VCL: variants seen among roughly 807,000 people sequenced by gnomAD.
VCL encodes the protein epididymis luminal protein 114.
A neutral mutation model predicts 125.7 loss-of-function variants in VCL; 47 were observed. The ratio of observed to expected loss-of-function variants is 0.37; its 90% CI spans 0.30 to 0.48. VCL has a LOEUF of 0.48. VCL is among the 20% of genes least tolerant of loss of function. VCL has a pLI of 0.99. For synonymous variants in VCL, 458 were observed against 514.6 expected (o/e 0.89, Z 1.49); for missense variants, 1,069 against 1,455.5 (o/e 0.73, Z 4.32).
At chr10:74,066,185 G>T (rs938858903) in intron 2 of VCL, among the ~76,000 whole-genome samples, 1 of 151,322 alleles carries the variant, frequency 6.6e-6, no homozygotes, top group Non-Finnish European at 1.5e-5. Context: ...TCAGCCTCCC[G>T]AGTAGCTGGG....
In VCL at chr10:74,112,122, A is replaced by G. The variant is rs755354455; in HGVS notation, c.2949+10A>G. 2 of 1,614,128 alleles carry G rather than the reference A, an allele frequency of 1.2e-6. No individual in the cohort carries two copies. The highest frequency in any genetic ancestry group is 2.2e-5 in the South Asian group (2 of 91,068). On this transcript the variant is annotated intron_variant, in intron 19 of 21. Coordinates refer to ENST00000211998, the MANE Select transcript of VCL (RefSeq NM_014000.3). ...CAAGTGGTCTAGTAAGGTACTGATA[A>G]GCACCCCCAGTTGGGGGCTGCTCCA... is the stretch of plus-strand genomic sequence containing the variant.
rs2131914331 is a variant in VCL, at chr10:74,094,271, G to A, written c.1353G>A (p.Gln451=). The A allele has an allele frequency of 1.2e-6, 2 of 1,614,028 alleles. No individual in the cohort carries two copies. Among genetic ancestry groups the A allele is most frequent in the East Asian group, 2.2e-5 (1 of 44,876 alleles). ...AGGATGGCTGTCTTTTTCTCTGTAG[G>A]GGGAAAGGAGATTCTCCAGAGGCTC... ...LTSKLADLRR[Q]GKGDSPEARA... The change falls in exon 11 of 22, where the codon CAG becomes CAA. Residue 451 remains glutamine (Q), a splice_region_variant and synonymous_variant. Transcript: ENST00000211998.
At position 74,105,031 on chromosome 10, in the gene VCL, C is replaced by T. The variant is rs777328068; in HGVS notation, c.2132-20C>T. The T allele has an allele frequency of 6.2e-7, 1 of 1,613,652 alleles. No individual in the cohort carries two copies. The highest frequency in any genetic ancestry group is 1.3e-5 in the African/African-American group (1 of 74,912). ...GTTCTTCTAAATTGAAACTAAATTC[C>T]ATTTCTGTTTTCCTAACAGGGCTGG... On this transcript the variant is annotated intron_variant, in intron 15 of 21. Transcript: ENST00000211998.
At chr10:74,040,168 CA>C (rs1217610875) in intron 1 of VCL, among the ~76,000 whole-genome samples, 1 of 152,188 alleles carries the variant, frequency 6.6e-6, no homozygotes, top group Non-Finnish European at 1.5e-5. Flanking sequence ...TTTATTATAG[CA>C]TCATTCTTAC....
intron 8 of VCL, among the ~76,000 whole-genome samples, chr10:74,084,968 G>A (rs569684729): frequency 6.6e-6 from 1 of 152,248 alleles, no homozygotes; most frequent in South Asian, 2.1e-4. Context: ...CAAGTGCAGT[G>A]GTATGATCAT....
intron 21 of VCL, among the ~76,000 whole-genome samples, chr10:74,117,449 G>C (rs1413091779): frequency 6.6e-6 from 1 of 152,212 alleles, no homozygotes; most frequent in Non-Finnish European, 1.5e-5. Context: ...GAGCCCAGGA[G>C]TACGAGTCCA....
At position 74,118,050 on chromosome 10, in the gene VCL, C is replaced by G. The variant is rs1840337525; in HGVS notation, c.3286C>G (p.Gln1096Glu). ...CACAGAGATGCTGGTTCACAATGCC[C>G]AGAACCTCATGCAGTCTGTGAAGGA... ...QATEMLVHNA[Q>E]NLMQSVKETV... is the part of the protein sequence containing the mutation. Residue 1096 changes from glutamine to glutamate, a missense_variant, in exon 22 of 22, where the codon CAG becomes GAG. This residue lies in a region of VCL where 91 missense variants were observed against 203.9 expected (regional missense o/e 0.45). Transcript: ENST00000211998. The G allele has an allele frequency of 6.2e-7, 1 of 1,614,146 alleles. No individual in the cohort carries two copies. Among genetic ancestry groups the G allele is most frequent in the Non-Finnish European group, 8.5e-7 (1 of 1,180,026 alleles).
chr10:74,064,457 G>A (rs1223241779), intron 2 of VCL, among the ~76,000 whole-genome samples: 3 of 151,962 alleles, frequency 2.0e-5, no homozygotes, highest in African/African-American at 7.3e-5. Context: ...CCACACTGGA[G>A]TGCAGTGGCA....
At chr10:74,032,791 AT>A (rs1368658568) in intron 1 of VCL, among the ~76,000 whole-genome samples, 4 of 152,076 alleles carry the variant, frequency 2.6e-5, no homozygotes, top group African/African-American at 9.7e-5. Flanking sequence ...CAATACACCC[AT>A]AAAAAGATGC....
At chr10:74,105,432 C>A in intron 16 of VCL, 79 bp downstream of exon 16, 1 of 1,567,202 alleles carries the variant, frequency 6.4e-7, no homozygotes, top group Admixed American at 1.7e-5. Flanking sequence ...ATGTACCCCA[C>A]AACCACCACA....
intron 1 of VCL, among the ~76,000 whole-genome samples, chr10:74,008,652 C>A (rs973831727): frequency 5.9e-5 from 9 of 152,162 alleles, no homozygotes; most frequent in Admixed American, 2.6e-4. Context: ...TGCTTTCTGG[C>A]TGATTTGGGC....
intron 1 of VCL, among the ~76,000 whole-genome samples, chr10:74,019,014 T>G (rs1840612536): frequency 6.6e-6 from 1 of 152,210 alleles, no homozygotes; most frequent in Non-Finnish European, 1.5e-5. Context: ...AACTTTCTCT[T>G]CTTTTGACAG....
chr10:74,064,874 C>T (rs111578003), intron 2 of VCL, among the ~76,000 whole-genome samples: 1 of 152,146 alleles, frequency 6.6e-6, no homozygotes, highest in Non-Finnish European at 1.5e-5. Flanking sequence ...ACCACATTTT[C>T]TACACAACTC....
chr10:74,114,199 G>T lies in VCL; in HGVS notation c.2965G>T (p.Ala989Ser). ...KWSSKGNDII[A>S]AAKRMALLMA... ...TTCCCTCTAGGGCAATGACATCATTGCAGCAGCCAAGCGCATGGCTCTGCT... is the reference window on the plus strand; with the variant it reads ...TTCCCTCTAGGGCAATGACATCATTTCAGCAGCCAAGCGCATGGCTCTGCT... Residue 989 changes from alanine to serine, a missense_variant, in exon 20 of 22, where the codon GCA becomes TCA. By Grantham distance (99) the Ala-to-Ser change is moderately conservative. This residue lies in a region of VCL where 91 missense variants were observed against 203.9 expected (regional missense o/e 0.45). Transcript: ENST00000211998. The T allele has an allele frequency of 1.2e-6, 2 of 1,613,544 alleles. No homozygotes were observed. The highest frequency in any genetic ancestry group is 1.7e-6 in the Non-Finnish European group (2 of 1,180,002).
intron 2 of VCL, among the ~76,000 whole-genome samples, chr10:74,060,706 G>T (rs376742202): frequency 2.0e-5 from 3 of 151,176 alleles, no homozygotes; most frequent in East Asian, 3.9e-4. Context: ...ACTTGTGGTA[G>T]TCTTTTTATA....
At chr10:74,012,446 A>G (rs1005592218) in intron 1 of VCL, among the ~76,000 whole-genome samples, 1 of 152,214 alleles carries the variant, frequency 6.6e-6, no homozygotes, top group African/African-American at 2.4e-5. Context: ...GAAATCAATA[A>G]TCTTATAAAA....
At chr10:74,113,862 G>A (rs1238199627) in intron 19 of VCL, among the ~76,000 whole-genome samples, 1 of 152,030 alleles carries the variant, frequency 6.6e-6, no homozygotes, top group Non-Finnish European at 1.5e-5. Context: ...CTGTGCCTGG[G>A]GTGCACATCT....
Position 74,095,785 on chromosome 10 carries a change from T to G in VCL, c.1673T>G (p.Leu558Arg), listed in dbSNP as rs2131916409. 6.2e-7 allele frequency: 1 copy of G among 1,614,222 alleles called. No homozygotes were observed. The highest frequency in any genetic ancestry group is 1.7e-4 in the Middle Eastern group (1 of 6,052). Residue 558 changes from leucine to arginine, a missense_variant, in exon 12 of 22, where the codon CTG (leucine) becomes CGG (arginine). By Grantham distance (102) the Leu-to-Arg change is moderately radical. Transcript: ENST00000211998. ...CAGCTGACAGCCCAGCTGGCTGACC[T>G]GGCTGCCAGAGGGGAAGGGGAGAGT... ...VDQLTAQLADLAARGEGESPQ... is the reference protein window; with the variant it reads ...VDQLTAQLADRAARGEGESPQ...
intron 1 of VCL, among the ~76,000 whole-genome samples, chr10:74,037,187 G>A (rs968708385): frequency 2.0e-5 from 3 of 152,062 alleles, no homozygotes; most frequent in Non-Finnish European, 2.9e-5. Flanking sequence ...ACCCACTTAC[G>A]CCTGGGATTA....
Sources: allele counts gnomAD v4.1 joint callset (sites outside exome capture counted in the v4.1 genomes callset), GRCh38; gene constraint gnomAD v4.1.1; regional missense constraint gnomAD v4.1.1; transcripts MANE v1.5; gene names NCBI Gene and HGNC (gene_info 2026-07-23, HGNC 2026-07-21).